The following TMOD2 variants were observed in gnomAD, a reference collection of about 807,000 sequenced individuals.
TMOD2 encodes the protein tropomodulin 2.
Under a neutral mutation model 39.9 loss-of-function variants are expected in TMOD2, and 22 were observed. The ratio of observed to expected loss-of-function variants is 0.55; its 90% CI spans 0.39 to 0.79. TMOD2 has a LOEUF of 0.79. Among genes scored for constraint, TMOD2 ranks in the 30% least tolerant of loss-of-function variants. The pLI is 0.00. For synonymous variants in TMOD2, 123 were observed against 146.1 expected (o/e 0.84, Z 1.14); for missense variants, 386 against 413.3 (o/e 0.93, Z 0.57).
chr15:51,806,271 C>T (rs2056120731), intron 8 of TMOD2, 106 bp from the exon 9 acceptor site: 1 of 1,312,084 alleles, frequency 7.6e-7, no homozygotes, highest in Non-Finnish European at 1.1e-6. Flanking sequence ...AGACCTTTGC[C>T]TCTTTGCCTT....
At chr15:51,772,799 A>G (rs1234740830) in intron 3 of TMOD2, among the ~76,000 whole-genome samples, 2 of 152,068 alleles carry the variant, frequency 1.3e-5, no homozygotes, top group Non-Finnish European at 2.9e-5. Context: ...TGCATTCCCA[A>G]TTTAGAGGGA....
rs368471506 is a variant in TMOD2, at chr15:51,796,485, C to G, written c.733-1712C>G. On this transcript the variant is annotated intron_variant, in intron 7 of 9. Coordinates refer to ENST00000249700, the MANE Select transcript of TMOD2 (RefSeq NM_014548.4). The stretch of plus-strand genomic sequence containing the variant: ...TCGCTACAGTTAGGAGGACTTCATT[C>G]TGGGAGGGGCACCTTTCAATGTATA... 2.6e-5 allele frequency among the ~76,000 whole-genome samples: 4 copies of G among 152,230 alleles called. No individual in the cohort carries two copies. The South Asian group carries it at 6.2e-4, about 24-fold the overall frequency.
At chr15:51,762,138 G>A (rs767249081) in intron 1 of TMOD2, among the ~76,000 whole-genome samples, 3 of 143,644 alleles carry the variant, frequency 2.1e-5, no homozygotes, top group Non-Finnish European at 3.0e-5. Flanking sequence ...GTGAGTGTGA[G>A]ACTCTGCCTC....
intron 7 of TMOD2, among the ~76,000 whole-genome samples, chr15:51,789,755 G>A (rs2055996925): frequency 6.6e-6 from 1 of 152,168 alleles, no homozygotes; most frequent in Non-Finnish European, 1.5e-5. Flanking sequence ...GCTCCTAAAT[G>A]ACTACTGGGT....
In TMOD2 at chr15:51,815,841, C is replaced by T. The variant is rs1404449450; in HGVS notation, c.*7387C>T. The T allele has an allele frequency of 1.3e-5, 2 of 152,108 alleles. No homozygotes were observed. Among genetic ancestry groups the T allele is most frequent in the Non-Finnish European group, 2.9e-5 (2 of 68,018 alleles). The allele number at this position is 152,108 out of a possible 1,614,324, so 9.4% of individuals were successfully genotyped here. Reference sequence around the variant, plus strand: ...CTGTAACATTTTACCAGTTCAGATGCCTGTAATGTGTGACTTTATGTGTGT... The same window carrying T: ...CTGTAACATTTTACCAGTTCAGATGTCTGTAATGTGTGACTTTATGTGTGT... On this transcript the variant is annotated 3_prime_UTR_variant, in exon 10 of 10. Transcript: ENST00000249700.
intron 6 of TMOD2, among the ~76,000 whole-genome samples, chr15:51,781,567 AC>A (rs1306357593): frequency 6.6e-6 from 1 of 152,212 alleles, no homozygotes; most frequent in East Asian, 1.9e-4. Context: ...GGGCTGCAGT[AC>A]CAGGCTTGCC....
In TMOD2 at chr15:51,815,182, A is replaced by T. The variant is rs1055416707; in HGVS notation, c.*6728A>T. ...GAGGCTGAGGCAGGAAAATCGCTTG[A>T]ACCCAGGAGGTGGAGGTTGTAGTGA... On this transcript the variant is annotated 3_prime_UTR_variant, in exon 10 of 10. Coordinates refer to ENST00000249700, the MANE Select transcript of TMOD2 (RefSeq NM_014548.4). 6.6e-6 allele frequency: 1 copy of T among 152,378 alleles called. No homozygotes were observed. Among genetic ancestry groups the T allele is most frequent in the African/African-American group, 2.4e-5 (1 of 41,454 alleles). The allele number at this position is 152,378 out of a possible 1,614,324, so 9.4% of individuals were successfully genotyped here. A position where few individuals can be genotyped will look rare whatever the true frequency, so the allele number is the denominator to read the frequency against.
At chr15:51,761,683 A>G (rs963158649) in intron 1 of TMOD2, among the ~76,000 whole-genome samples, 1 of 151,958 alleles carries the variant, frequency 6.6e-6, no homozygotes, top group Non-Finnish European at 1.5e-5. Context: ...GCAGTTAGCT[A>G]TGATCAAGCC....
At chr15:51,776,401 G>A (rs2055889646) in intron 4 of TMOD2, among the ~76,000 whole-genome samples, 1 of 152,146 alleles carries the variant, frequency 6.6e-6, no homozygotes, top group South Asian at 2.1e-4. Context: ...ACAGGAAGCC[G>A]AAAATCAGTA....
Position 51,812,244 on chromosome 15 carries a change from C to G in TMOD2, c.*3790C>G, listed in dbSNP as rs994296075. ...AAATCATCCCAGTGCCTGTACTCCT[C>G]AAACCAATTTCCCTAAGGGAAGACT... On this transcript the variant is annotated 3_prime_UTR_variant, in exon 10 of 10. Transcript: ENST00000249700. 1 of 152,198 alleles carries G rather than the reference C, an allele frequency of 6.6e-6. No individual in the cohort carries two copies. Among genetic ancestry groups the G allele is most frequent in the Non-Finnish European group, 1.5e-5 (1 of 68,048 alleles). 9.4% of individuals were successfully genotyped at this position (152,198 alleles called of 1,614,324 possible).
Position 51,755,734 on chromosome 15 carries a change from A to T in TMOD2, c.-70+4022A>T, listed in dbSNP as rs553544138. 4.6e-5 allele frequency among the ~76,000 whole-genome samples: 7 copies of T among 152,274 alleles called. No homozygotes were observed. In the East Asian group the frequency reaches 1.4e-3, roughly 29 times the overall value. On this transcript the variant is annotated intron_variant, in intron 1 of 9. Transcript: ENST00000249700. ...CTATACCAGTTGCTAAATGTTTTGC[A>T]CATCATCTAGGTAAGCACTCACAAG...
intron 1 of TMOD2, among the ~76,000 whole-genome samples, chr15:51,757,833 C>T (rs1595860319): frequency 6.6e-6 from 1 of 152,320 alleles, no homozygotes; most frequent in African/African-American, 2.4e-5. Flanking sequence ...CTGCATTCTT[C>T]TCCACAGTAT....
intron 8 of TMOD2, among the ~76,000 whole-genome samples, chr15:51,803,377 C>T (rs1389508993): frequency 6.6e-6 from 1 of 152,048 alleles, no homozygotes; most frequent in East Asian, 1.9e-4. Flanking sequence ...GACAGAATTT[C>T]ACCATGTTCA....
chr15:51,752,820 T>TA (rs2055715776), intron 1 of TMOD2: 2 of 152,346 alleles, frequency 1.3e-5, no homozygotes, highest in South Asian at 2.1e-4. Flanking sequence ...GATTTTTTTT[T>TA]AAAGATAAAA....
At chr15:51,774,464 G>A (rs540885790) in intron 4 of TMOD2, among the ~76,000 whole-genome samples, 1 of 152,270 alleles carries the variant, frequency 6.6e-6, no homozygotes, top group African/African-American at 2.4e-5. Context: ...TACATACACA[G>A]GGTTATTAGA....
chr15:51,778,967 A>AT (rs904342161), intron 5 of TMOD2, among the ~76,000 whole-genome samples: 9 of 149,188 alleles, frequency 6.0e-5, no homozygotes, highest in Non-Finnish European at 1.2e-4. Flanking sequence ...TATTCCTTTT[A>AT]TTTTTTTGAG....
chr15:51,781,826 G>A lies in TMOD2; in HGVS notation c.624+652G>A, dbSNP rs1355633801. On this transcript the variant is annotated intron_variant, in intron 6 of 9. Coordinates refer to ENST00000249700, the MANE Select transcript of TMOD2 (RefSeq NM_014548.4). ...TAGGAGAGAGAGAGAGAGAGAGAGT[G>A]TGTGTGTGTGTGTGTGTAAACATTA... 2.0e-5 allele frequency among the ~76,000 whole-genome samples: 3 copies of A among 151,700 alleles called. No individual in the cohort carries two copies. In the East Asian group the frequency reaches 5.8e-4, roughly 29 times the overall value.
intron 9 of TMOD2, among the ~76,000 whole-genome samples, chr15:51,807,576 T>C (rs1265988526): frequency 6.6e-6 from 1 of 151,948 alleles, no homozygotes; most frequent in Non-Finnish European, 1.5e-5. Context: ...GAAAAGCACA[T>C]TGGGTCCACA....
chr15:51,815,637 A>T lies in TMOD2; in HGVS notation c.*7183A>T, dbSNP rs1379578022. 1 of 152,248 alleles carries T rather than the reference A, an allele frequency of 6.6e-6. No individual in the cohort carries two copies. Among genetic ancestry groups the T allele is most frequent in the Non-Finnish European group, 1.5e-5 (1 of 68,038 alleles). 9.4% of individuals were successfully genotyped at this position (152,248 alleles called of 1,614,324 possible). The stretch of plus-strand genomic sequence containing the variant: ...ACAATCTTCAGTTAAGAAGTAAGTT[A>T]TTCTGACCTAAAATTCTTATCTCTG... On this transcript the variant is annotated 3_prime_UTR_variant, in exon 10 of 10. Coordinates refer to ENST00000249700, the MANE Select transcript of TMOD2 (RefSeq NM_014548.4).
Sources: allele counts gnomAD v4.1 joint callset (sites outside exome capture counted in the v4.1 genomes callset), GRCh38; gene constraint gnomAD v4.1.1; transcripts MANE v1.5; gene names NCBI Gene and HGNC (gene_info 2026-07-23, HGNC 2026-07-21).